The following FARP1 variants were observed in gnomAD, a reference collection of about 807,000 sequenced individuals.
FARP1 encodes FERM, ARHGEF and pleckstrin domain-containing protein 1.
FARP1 carries 52 observed loss-of-function variants against 128.8 expected under a neutral mutation model. The ratio of observed to expected loss-of-function variants is 0.40; its 90% CI spans 0.32 to 0.51. FARP1 has a LOEUF of 0.51. FARP1 is among the 20% of genes least tolerant of loss of function. FARP1 has a pLI of 0.45. For missense variants in FARP1, 1,333 were observed against 1,367.9 expected (o/e 0.97, Z 0.40); for synonymous variants, 580 against 551.8 (o/e 1.05, Z -0.72).
intron 3 of FARP1, among the ~76,000 whole-genome samples, chr13:98,344,990 A>G (rs561197917): frequency 1.3e-5 from 2 of 152,318 alleles, no homozygotes; most frequent in East Asian, 1.9e-4. Flanking sequence ...CAGACTTCAC[A>G]TGAAAGGTGA....
At chr13:98,373,908 A>T (rs1057008839) in intron 5 of FARP1, among the ~76,000 whole-genome samples, 1 of 152,208 alleles carries the variant, frequency 6.6e-6, no homozygotes, top group South Asian at 2.1e-4. Context: ...ATACCCTTTC[A>T]TTATTATAAT....
intron 1 of FARP1, among the ~76,000 whole-genome samples, chr13:98,160,551 A>G (rs1055910783): frequency 6.6e-6 from 1 of 152,230 alleles, no homozygotes; most frequent in African/African-American, 2.4e-5. Context: ...AAACATGGAA[A>G]GTGAAGAAAA....
In FARP1 at chr13:98,377,992, C is replaced by G. The variant is rs567411278; in HGVS notation, c.496+74C>G. 33 of 1,119,124 alleles carry G rather than the reference C, an allele frequency of 2.9e-5. No homozygotes were observed. In the East Asian group the frequency reaches 6.7e-4, roughly 23 times the overall value. 69.3% of individuals were successfully genotyped at this position (1,119,124 alleles called of 1,614,324 possible). Reference sequence around the variant, plus strand: ...GATCTGATTGATGGGAAAAAAATCACATCCACCAAAAAAGAAAGTGTCAAT... The same window carrying G: ...GATCTGATTGATGGGAAAAAAATCAGATCCACCAAAAAAGAAAGTGTCAAT... On this transcript the variant is annotated intron_variant, in intron 6 of 26. Transcript: ENST00000319562.
chr13:98,442,709 C>A (rs145095522), intron 24 of FARP1, among the ~76,000 whole-genome samples: 1 of 152,162 alleles, frequency 6.6e-6, no homozygotes, highest in Non-Finnish European at 1.5e-5. Flanking sequence ...ACCCCCGAAG[C>A]GGAGGAGCAG....
chr13:98,421,266 A>C (rs1256026596), intron 16 of FARP1, among the ~76,000 whole-genome samples: 2 of 152,228 alleles, frequency 1.3e-5, no homozygotes, highest in Non-Finnish European at 2.9e-5. Context: ...GATAATAAAT[A>C]GTTGGCAAAA....
intron 5 of FARP1, among the ~76,000 whole-genome samples, chr13:98,372,190 G>A (rs1176712937): frequency 2.0e-5 from 3 of 147,836 alleles, no homozygotes; most frequent in East Asian, 4.0e-4. Flanking sequence ...AGGTTCAAGC[G>A]ATTCTTCTGC....
chr13:98,301,364 G>GCC (rs1483023527), intron 2 of FARP1, among the ~76,000 whole-genome samples: 9 of 152,164 alleles, frequency 5.9e-5, no homozygotes, highest in Admixed American at 3.3e-4. Flanking sequence ...AGTCAGACAG[G>GCC]TCTGCTTGGC....
chr13:98,446,939 G>A, intron 26 of FARP1, 122 bp downstream of exon 26: 1 of 1,090,056 alleles, frequency 9.2e-7, no homozygotes, highest in Non-Finnish European at 1.3e-6. Context: ...TAAGCGTTTA[G>A]ACCTGGGGTC....
At chr13:98,423,645 C>T (rs1891674426) in intron 16 of FARP1, among the ~76,000 whole-genome samples, 1 of 152,174 alleles carries the variant, frequency 6.6e-6, no homozygotes, top group Non-Finnish European at 1.5e-5. Flanking sequence ...GAGTTCACAC[C>T]TCGTGATAAC....
At chr13:98,438,699 C>T in intron 19 of FARP1, 105 bp from the exon 20 acceptor site, 1 of 869,804 alleles carries the variant, frequency 1.1e-6, no homozygotes, top group East Asian at 2.4e-5. Context: ...CGCTCGCAGT[C>T]AGCCCTCAGG....
chr13:98,265,495 A>G (rs1437285938), intron 2 of FARP1, among the ~76,000 whole-genome samples: 3 of 149,552 alleles, frequency 2.0e-5, no homozygotes, highest in African/African-American at 7.4e-5. Flanking sequence ...AATTTTTTGT[A>G]TTTTTAGTAG....
chr13:98,324,907 C>T (rs1223187974), intron 2 of FARP1, among the ~76,000 whole-genome samples: 1 of 152,238 alleles, frequency 6.6e-6, no homozygotes, highest in East Asian at 1.9e-4. Flanking sequence ...CCATGGCTGC[C>T]TTCCGAACTA....
intron 2 of FARP1, among the ~76,000 whole-genome samples, chr13:98,240,153 G>A (rs1423616823): frequency 1.3e-5 from 2 of 152,188 alleles, no homozygotes; most frequent in Non-Finnish European, 2.9e-5. Flanking sequence ...TGTGGCCAGT[G>A]GCTGGGGCCT....
intron 2 of FARP1, chr13:98,328,592 C>G (rs1395214697): frequency 6.6e-6 from 1 of 152,232 alleles, no homozygotes. Context: ...GCACATGACT[C>G]TTTTTCTTTC....
At chr13:98,144,469 G>A (rs1875360759) in intron 1 of FARP1, among the ~76,000 whole-genome samples, 1 of 152,128 alleles carries the variant, frequency 6.6e-6, no homozygotes, top group Non-Finnish European at 1.5e-5. Context: ...GGGAGTACCG[G>A]TGGCCTCTGG....
chr13:98,282,166 T>C (rs1411625793), intron 2 of FARP1, among the ~76,000 whole-genome samples: 2 of 152,026 alleles, frequency 1.3e-5, no homozygotes, highest in Non-Finnish European at 2.9e-5. Flanking sequence ...TAGCCAGGCA[T>C]GGTGGTGTGT....
In FARP1 at chr13:98,261,682, A is replaced by G. The variant is rs577541729; in HGVS notation, c.171+48269A>G. 1.5e-4 allele frequency among the ~76,000 whole-genome samples: 23 copies of G among 152,320 alleles called. No individual in the cohort carries two copies. The South Asian group carries it at 4.6e-3, about 30-fold the overall frequency. ...AACATAGATGATATCTTTTTGATACATGTAACATGCTGTGTAGGTGTGGAG... is the reference window on the plus strand; with the variant it reads ...AACATAGATGATATCTTTTTGATACGTGTAACATGCTGTGTAGGTGTGGAG... On this transcript the variant is annotated intron_variant, in intron 2 of 26. Coordinates refer to ENST00000319562, the MANE Select transcript of FARP1 (RefSeq NM_005766.4).
intron 2 of FARP1, among the ~76,000 whole-genome samples, chr13:98,330,969 C>T (rs539740156): frequency 1.3e-5 from 2 of 152,090 alleles, no homozygotes; most frequent in Non-Finnish European, 2.9e-5. Flanking sequence ...TTCCAGAGTG[C>T]CCTTGGAATC....
chr13:98,153,330 A>ATGAAATATATAAATAATATATATT (rs71120310), intron 1 of FARP1, among the ~76,000 whole-genome samples: 1 of 130,218 alleles, frequency 7.7e-6, no homozygotes, highest in South Asian at 2.2e-4. Context: ...TAAATAATAT[A>ATGAAATATATAAATAATATATATT]ATATATAAAA....
Sources: gnomAD v4.1 joint callset for allele counts (sites outside exome capture counted in the v4.1 genomes callset) on GRCh38, gnomAD v4.1.1 for gene constraint, MANE v1.5 for transcripts, NCBI Gene and HGNC (gene_info 2026-07-23, HGNC 2026-07-21) for gene names.